Variants in C17orf107 observed in about 807,000 individuals in gnomAD.
C17orf107 encodes uncharacterized protein C17orf107.
In C17orf107, 9 loss-of-function variants were observed where a neutral mutation model predicts 8.9. That is an observed-to-expected ratio of 1.02 (90% CI 0.61 to 1.77). The LOEUF is 1.77. Among genes scored for constraint, C17orf107 ranks in the 40% most tolerant of loss-of-function variants. The probability of loss-of-function intolerance (pLI) is 0.00; values close to 1 mark genes in which losing one functional copy is unlikely to be tolerated. For synonymous variants in C17orf107, 139 were observed against 120.3 expected, an observed-to-expected ratio of 1.16 and a Z score of -1.02; for missense variants, 281 against 249.0, an observed-to-expected ratio of 1.13 and a Z score of -0.86.
chr17:4,906,259 TGGCA>T (rs2151100773), downstream of C17orf107, among the ~76,000 whole-genome samples: 1 of 152,244 alleles, frequency 6.6e-6, no homozygotes, highest in East Asian at 1.9e-4. Flanking sequence ...ATAGTGGGTG[TGGCA>T]GGCCCTGACA....
rs1378758902 is a variant in C17orf107, at chr17:4,902,136, A to G, written c.*1603A>G. On this transcript the variant is annotated 3_prime_UTR_variant, in exon 3 of 3. Transcript: ENST00000381365. The surrounding 1 kb of genome is among the most constrained non-coding windows in gnomAD (Gnocchi z 4.0). ...TTTTTGCACAGGTCTGCACCCTCTC[A>G]GAGTACCCCCTTCCCCAACCAAGTC... 5.0e-6 allele frequency: 8 copies of G among 1,613,274 alleles called. No homozygotes were observed. Among genetic ancestry groups the G allele is most frequent in the Non-Finnish European group, 6.8e-6 (8 of 1,179,688 alleles).
At chr17:4,906,371 A>G (rs142523569), downstream of C17orf107, among the ~76,000 whole-genome samples, 44 of 152,326 alleles carry the variant, frequency 2.9e-4, no homozygotes, top group African/African-American at 1.0e-3. Context: ...TCACTGCTAG[A>G]GCTGAAATAT....
At chr17:4,903,860 T>A (rs989189552), downstream of C17orf107, among the ~76,000 whole-genome samples, 21 of 152,136 alleles carry the variant, frequency 1.4e-4, no homozygotes, top group African/African-American at 3.6e-4. Context: ...TGTTCCTTTT[T>A]AAAAAAAATT....
Position 4,902,609 on chromosome 17 carries a change from G to A in C17orf107, c.*2076G>A, listed in dbSNP as rs1970028737. The A allele has an allele frequency of 1.9e-6, 3 of 1,613,992 alleles. No homozygotes were observed. Among genetic ancestry groups the A allele is most frequent in the Non-Finnish European group, 2.5e-6 (3 of 1,180,028 alleles). On this transcript the variant is annotated 3_prime_UTR_variant, in exon 3 of 3. Transcript: ENST00000381365. This position sits in a 1 kb window ranked among gnomAD's most constrained non-coding sequence, Gnocchi z 4.0. Reference sequence around the variant, plus strand: ...GGATTTTTGGCTTAAGATGAGGGTGGGGGTAGCTTACCAGTGAGATGAGAT... The same window carrying A: ...GGATTTTTGGCTTAAGATGAGGGTGAGGGTAGCTTACCAGTGAGATGAGAT...
At position 4,901,713 on chromosome 17, in the gene C17orf107, G is replaced by C; in HGVS notation, c.*1180G>C. On this transcript the variant is annotated 3_prime_UTR_variant, in exon 3 of 3. Coordinates refer to ENST00000381365, the MANE Select transcript of C17orf107 (RefSeq NM_001145536.2). Reference sequence around the variant, plus strand: ...AGCCCTGGAAGCTGGGATCTAGCGGGGCCGCGATCCCAAGCCCACCCCTTC... The same window carrying C: ...AGCCCTGGAAGCTGGGATCTAGCGGCGCCGCGATCCCAAGCCCACCCCTTC... The C allele has an allele frequency of 7.2e-7, 1 of 1,381,874 alleles. No individual in the cohort carries two copies. Among genetic ancestry groups the C allele is most frequent in the Non-Finnish European group, 1.0e-6 (1 of 981,972 alleles). The allele number at this position is 1,381,874 out of a possible 1,614,324, so 85.6% of individuals were successfully genotyped here.
downstream of C17orf107, among the ~76,000 whole-genome samples, chr17:4,905,934 G>A (rs575611423): frequency 2.6e-4 from 39 of 152,282 alleles, no homozygotes; most frequent in African/African-American, 9.4e-4. Flanking sequence ...CTAGACCAGT[G>A]TCAGAGGCCA....
In C17orf107 at chr17:4,900,730, T is replaced by C; in HGVS notation, c.*197T>C. 5 of 1,534,020 alleles carry C rather than the reference T, an allele frequency of 3.3e-6. No homozygotes were observed. Among genetic ancestry groups the C allele is most frequent in the Non-Finnish European group, 3.6e-6 (4 of 1,125,694 alleles). On this transcript the variant is annotated 3_prime_UTR_variant, in exon 3 of 3. Transcript: ENST00000381365. ...CAGCCAGAGCTTTTCCCGGGGTCTC[T>C]GGGTTTTGGCCACGCCCCCACCCTT...
In C17orf107 at chr17:4,899,781, T is replaced by G. The variant is rs1048601616; in HGVS notation, c.19T>G (p.Ser7Ala). ...GGCGGCCATGAAGGGGACCCCCAGC[T>G]CCCTGGACACCCTGATGTGGATCTA... is the stretch of plus-strand genomic sequence containing the variant. MKGTPS[S>A]LDTLMWIYHF... Residue 7 changes from serine to alanine, a missense_variant, in exon 1 of 3, where the codon TCC (serine) becomes GCC (alanine). Coordinates refer to ENST00000381365, the MANE Select transcript of C17orf107 (RefSeq NM_001145536.2). The G allele has an allele frequency of 6.4e-7, 1 of 1,550,904 alleles. No individual in the cohort carries two copies. Among genetic ancestry groups the G allele is most frequent in the African/African-American group, 1.4e-5 (1 of 72,916 alleles).
In C17orf107 at chr17:4,900,263, G is replaced by A; in HGVS notation, c.303G>A (p.Glu101=). ...TCTCAGCCCTGTGGCTGCAGCAGGA[G>A]GCGCGGCGACTAGACGGCAGCGCGG... ...LEISALWLQQ[E]ARRLDGSAGP... Residue 101 remains glutamate (E), a synonymous_variant, in exon 3 of 3, where the codon GAG becomes GAA. Coordinates refer to ENST00000381365, the MANE Select transcript of C17orf107 (RefSeq NM_001145536.2). The A allele has an allele frequency of 1.9e-6, 3 of 1,546,512 alleles. No individual in the cohort carries two copies. Among genetic ancestry groups the A allele is most frequent in the Non-Finnish European group, 2.6e-6 (3 of 1,146,672 alleles).
rs760565441 is a variant in C17orf107 at position 4,901,188 on chromosome 17, T to A, written c.*655T>A. ...CAGAAGTCGATGGCCCACTCGCCGT[T>A]CTCTGCGGGACGGGGGCACGGTCAG... is the stretch of plus-strand genomic sequence containing the variant. On this transcript the variant is annotated 3_prime_UTR_variant, in exon 3 of 3. Coordinates refer to ENST00000381365, the MANE Select transcript of C17orf107 (RefSeq NM_001145536.2). The A allele has an allele frequency of 1.8e-5, 29 of 1,603,208 alleles. No homozygotes were observed. Among genetic ancestry groups the A allele is most frequent in the Non-Finnish European group, 2.4e-5 (28 of 1,178,800 alleles).
downstream of C17orf107, among the ~76,000 whole-genome samples, chr17:4,903,270 G>A (rs369651915): frequency 1.8e-4 from 27 of 152,158 alleles, no homozygotes; most frequent in African/African-American, 3.9e-4. Context: ...CCCCTGCCCC[G>A]CCCCAGCCCA....
chr17:4,900,302 C>G lies in C17orf107; in HGVS notation c.342C>G (p.Asp114Glu), dbSNP rs141527391. Residue 114 changes from aspartate to glutamate, a missense_variant, in exon 3 of 3, where the codon GAC (aspartate) becomes GAG (glutamate). Coordinates refer to ENST00000381365, the MANE Select transcript of C17orf107 (RefSeq NM_001145536.2). Reference protein sequence around the residue: ...RLDGSAGPAPDGRDPGAALSR... With the variant: ...RLDGSAGPAPEGRDPGAALSR... ...ACGGCAGCGCGGGCCCAGCCCCAGA[C>G]GGCAGGGATCCGGGTGCAGCGCTGA... The G allele has an allele frequency of 6.5e-7, 1 of 1,545,138 alleles. No homozygotes were observed. The highest frequency in any genetic ancestry group is 8.7e-7 in the Non-Finnish European group (1 of 1,146,572).
Position 4,900,825 on chromosome 17 carries a change from T to G in C17orf107, c.*292T>G. The G allele has an allele frequency of 6.2e-7, 1 of 1,614,118 alleles. No individual in the cohort carries two copies. Among genetic ancestry groups the G allele is most frequent in the Non-Finnish European group, 8.5e-7 (1 of 1,179,970 alleles). ...GGAGCGGCACGCTCAGAGAAGTCTC[T>G]GGGATTTTCTGGGCAATGAGGAACA... On this transcript the variant is annotated 3_prime_UTR_variant, in exon 3 of 3. Transcript: ENST00000381365.
rs370019023 is a variant in C17orf107, at chr17:4,900,805, G to T, written c.*272G>T. ...GCTCCGGCTTCACCTGCCCAGGAGC[G>T]GCACGCTCAGAGAAGTCTCTGGGAT... is the stretch of plus-strand genomic sequence containing the variant. On this transcript the variant is annotated 3_prime_UTR_variant, in exon 3 of 3. Coordinates refer to ENST00000381365, the MANE Select transcript of C17orf107 (RefSeq NM_001145536.2). 2.5e-6 allele frequency: 4 copies of T among 1,613,696 alleles called. No homozygotes were observed. Among genetic ancestry groups the T allele is most frequent in the African/African-American group, 1.3e-5 (1 of 74,930 alleles).
At position 4,902,028 on chromosome 17, in the gene C17orf107, G is replaced by C. The variant is rs763181728; in HGVS notation, c.*1495G>C. On this transcript the variant is annotated 3_prime_UTR_variant, in exon 3 of 3. Coordinates refer to ENST00000381365, the MANE Select transcript of C17orf107 (RefSeq NM_001145536.2). This position sits in a 1 kb window ranked among gnomAD's most constrained non-coding sequence, Gnocchi z 4.0. ...GATGGCCGGAGGCAGCCACGTCACG[G>C]AGCCGCCCTCGTAGACGAGCACGTT... is the stretch of plus-strand genomic sequence containing the variant. The C allele has an allele frequency of 5.6e-6, 9 of 1,614,086 alleles. No individual in the cohort carries two copies. Among genetic ancestry groups the C allele is most frequent in the Non-Finnish European group, 7.6e-6 (9 of 1,180,038 alleles).
Position 4,900,423 on chromosome 17 carries a change from C to G in C17orf107, c.463C>G (p.Leu155Val). Reference sequence around the variant, plus strand: ...CCTAGTCCAGGGAGCATGGCTATGCCTGTGTGGACGGGGTCTGCAGGGGTC... The same window carrying G: ...CCTAGTCCAGGGAGCATGGCTATGCGTGTGTGGACGGGGTCTGCAGGGGTC... Reference protein sequence around the residue: ...RLLVQGAWLCLCGRGLQGSAS... With the variant: ...RLLVQGAWLCVCGRGLQGSAS... Residue 155 changes from leucine to valine, a missense_variant, in exon 3 of 3, where the codon CTG (leucine) becomes GTG (valine). Physicochemically the swap from Leu to Val is conservative, Grantham distance 32. Coordinates refer to ENST00000381365, the MANE Select transcript of C17orf107 (RefSeq NM_001145536.2). 1 of 1,550,964 alleles carries G rather than the reference C, an allele frequency of 6.4e-7. No homozygotes were observed. Among genetic ancestry groups the G allele is most frequent in the Non-Finnish European group, 8.7e-7 (1 of 1,146,948 alleles).
chr17:4,900,752 C>T lies in C17orf107; in HGVS notation c.*219C>T. The T allele has an allele frequency of 1.9e-6, 3 of 1,583,522 alleles. No homozygotes were observed. Among genetic ancestry groups the T allele is most frequent in the Non-Finnish European group, 2.6e-6 (3 of 1,160,344 alleles). On this transcript the variant is annotated 3_prime_UTR_variant, in exon 3 of 3. Transcript: ENST00000381365. ...CTCTGGGTTTTGGCCACGCCCCCAC[C>T]CTTCACACTGGCCACACCCCCGCGG...
Position 4,899,929 on chromosome 17 carries a change from T to A in C17orf107, c.67-7T>A. 6.5e-7 allele frequency: 1 copy of A among 1,550,182 alleles called. No homozygotes were observed. Among genetic ancestry groups the A allele is most frequent in the Non-Finnish European group, 8.7e-7 (1 of 1,146,170 alleles). On this transcript the variant is annotated splice_polypyrimidine_tract_variant and splice_region_variant and intron_variant, in intron 1 of 2. Transcript: ENST00000381365. The stretch of plus-strand genomic sequence containing the variant: ...CCTGCTACTCTACTGCTCTGCTCCT[T>A]CTCCAGGTGGCCCTCCAGCCCCCGC...
chr17:4,900,270 CG>C lies in C17orf107; in HGVS notation c.311del (p.Arg104HisfsTer2). The C allele has an allele frequency of 6.5e-7, 1 of 1,545,860 alleles. No individual in the cohort carries two copies. The highest frequency in any genetic ancestry group is 1.4e-5 in the African/African-American group (1 of 73,174). Reference protein sequence around the residue: ...SALWLQQEARRLDGSAGPAPD... With the variant: ...SALWLQQEARXLDGSAGPAPD... The stretch of plus-strand genomic sequence containing the variant: ...CCTGTGGCTGCAGCAGGAGGCGCGG[CG>C]ACTAGACGGCAGCGCGGGCCCAGCC... On this transcript the variant is annotated frameshift_variant, in exon 3 of 3. Coordinates refer to ENST00000381365, the MANE Select transcript of C17orf107 (RefSeq NM_001145536.2). LOFTEE classifies it low-confidence loss of function (END_TRUNC).
Sources: gnomAD v4.1 joint callset for allele counts (sites outside exome capture counted in the v4.1 genomes callset) on GRCh38, gnomAD v4.1.1 for gene constraint, Gnocchi (gnomAD v3.1) non-coding constraint, MANE v1.5 for transcripts, NCBI Gene and HGNC (gene_info 2026-07-23, HGNC 2026-07-21) for gene names.